SYTL5: variants seen among roughly 807,000 people sequenced by gnomAD.
SYTL5 encodes the protein synaptotagmin like 5.
SYTL5 carries 34 observed loss-of-function variants against 55.9 expected under a neutral mutation model. That is an observed-to-expected ratio of 0.61 (90% CI 0.46 to 0.81). The LOEUF (loss-of-function observed/expected upper bound fraction) is 0.81. Among genes scored for constraint, SYTL5 ranks in the 30% least tolerant of loss-of-function variants. The probability of loss-of-function intolerance (pLI) is 0.00; values close to 1 mark genes in which losing one functional copy is unlikely to be tolerated. For synonymous variants in SYTL5, 221 were observed against 188.7 expected, an observed-to-expected ratio of 1.17 and a Z score of -1.40; for missense variants, 637 against 546.7, an observed-to-expected ratio of 1.17 and a Z score of -1.65.
chrX:38,077,179 A>G (rs1246718512), intron 6 of SYTL5, among the ~76,000 whole-genome samples: 2 of 111,651 alleles, frequency 1.8e-5, no homozygotes, highest in East Asian at 5.6e-4. Flanking sequence ...CAGTGGAGCC[A>G]ATTGAGAATG....
intron 6 of SYTL5, among the ~76,000 whole-genome samples, chrX:38,080,085 C>T (rs1936491188): frequency 9.0e-6 from 1 of 111,142 alleles, no homozygotes; most frequent in African/African-American, 3.3e-5. Flanking sequence ...AACTCCAGGG[C>T]ATTTCTAGGC....
At chrX:38,106,837 CT>C (rs1215609901) in intron 11 of SYTL5, 66 bp downstream of exon 11, 1 of 950,922 alleles carries the variant, frequency 1.1e-6, no homozygotes, top group Non-Finnish European at 1.4e-6. Flanking sequence ...TGTGTGTTTC[CT>C]TTTCAAAAGA....
intron 7 of SYTL5, among the ~76,000 whole-genome samples, chrX:38,090,860 GA>G (rs2147513720): frequency 8.9e-6 from 1 of 112,438 alleles, no homozygotes; most frequent in East Asian, 2.8e-4. Context: ...GCCTCTAGAA[GA>G]ACAGCCAGTG....
chrX:37,926,497 C>G, the SYTL5 span, among the ~76,000 whole-genome samples: 111 of 110,424 alleles, frequency 1.0e-3, no homozygotes, highest in African/African-American at 3.4e-3. Context: ...AGTCAGTGTG[C>G]TCAATAAATA....
the SYTL5 span, among the ~76,000 whole-genome samples, chrX:37,891,722 G>T: frequency 6.3e-5 from 7 of 111,667 alleles, no homozygotes; most frequent in Non-Finnish European, 1.1e-4. Context: ...TTTCATATGA[G>T]TGTTTGTGTT....
chrX:38,054,146 T>C (rs1935703398), intron 2 of SYTL5, 67 bp from the exon 3 acceptor site: 1 of 811,191 alleles, frequency 1.2e-6, no homozygotes, highest in South Asian at 2.4e-5. Flanking sequence ...GACATTGTTT[T>C]AGACATTGTA....
chrX:38,099,271 G>T (rs1026695835), intron 9 of SYTL5, among the ~76,000 whole-genome samples: 3 of 110,924 alleles, frequency 2.7e-5, no homozygotes, highest in African/African-American at 9.8e-5. Context: ...TTTCTATTTT[G>T]TGAATGTTTG....
At chrX:38,000,403 GA>G in the SYTL5 span, among the ~76,000 whole-genome samples, 1 of 112,134 alleles carries the variant, frequency 8.9e-6, no homozygotes, top group East Asian at 2.8e-4. Flanking sequence ...ATAGAAATGG[GA>G]AAAGTTCCCT....
the SYTL5 span, among the ~76,000 whole-genome samples, chrX:37,898,604 C>T: frequency 1.8e-5 from 2 of 112,096 alleles, no homozygotes; most frequent in Non-Finnish European, 3.8e-5. Flanking sequence ...CTCTCTAGTT[C>T]TTTAATATAG....
At chrX:38,086,519 A>G (rs1376053599) in intron 6 of SYTL5, among the ~76,000 whole-genome samples, 1 of 112,359 alleles carries the variant, frequency 8.9e-6, no homozygotes, top group African/African-American at 3.2e-5. Flanking sequence ...TTACAGTGAG[A>G]TAAATGTATC....
the SYTL5 span, among the ~76,000 whole-genome samples, chrX:37,895,825 AGAAAATAGACT>A: frequency 2.7e-5 from 3 of 111,993 alleles, no homozygotes; most frequent in African/African-American, 9.7e-5. Context: ...TAAGCACATT[AGAAAATAGACT>A]GATTCAGCTT....
At chrX:38,116,254 A>G (rs73632462) in intron 13 of SYTL5, among the ~76,000 whole-genome samples, 2 of 112,022 alleles carry the variant, frequency 1.8e-5, no homozygotes, top group African/African-American at 6.5e-5. Flanking sequence ...CCATAAATTT[A>G]TTTCTGGACT....
chrX:38,071,490 G>C (rs73467410), intron 3 of SYTL5, among the ~76,000 whole-genome samples: 6,465 of 111,737 alleles, frequency 0.058, 180 homozygotes, highest in Middle Eastern at 0.12. Flanking sequence ...TGGCCAACCT[G>C]TCTCTTTATC....
chrX:38,089,820 C>T (rs1936753999), intron 7 of SYTL5, among the ~76,000 whole-genome samples: 1 of 111,736 alleles, frequency 8.9e-6, no homozygotes, highest in Non-Finnish European at 1.9e-5. Flanking sequence ...GGGGAAGCCT[C>T]CCCCATGACT....
At chrX:38,111,317 C>T (rs1292411771) in intron 13 of SYTL5, among the ~76,000 whole-genome samples, 1 of 111,566 alleles carries the variant, frequency 9.0e-6, no homozygotes, top group African/African-American at 3.3e-5. Context: ...ATAATATAAT[C>T]GTGGGATGTA....
At chrX:38,007,777 GTA>G (rs1934040406) in intron 1 of SYTL5, among the ~76,000 whole-genome samples, 1 of 111,193 alleles carries the variant, frequency 9.0e-6, no homozygotes, top group African/African-American at 3.3e-5. Context: ...GCATCCCTCA[GTA>G]TATATATGTA....
At chrX:38,080,193 G>A (rs1245601905) in intron 6 of SYTL5, among the ~76,000 whole-genome samples, 1 of 111,093 alleles carries the variant, frequency 9.0e-6, no homozygotes, top group African/African-American at 3.3e-5. Context: ...TGCACAGCTG[G>A]TAAAAGGAAT....
chrX:37,912,738 G>T, the SYTL5 span, among the ~76,000 whole-genome samples: 2 of 111,879 alleles, frequency 1.8e-5, no homozygotes. Context: ...ACTTTGTGAG[G>T]TAGTCATGTT....
chrX:38,060,488 TA>T (rs1408120919), intron 3 of SYTL5, among the ~76,000 whole-genome samples: 1 of 112,080 alleles, frequency 8.9e-6, no homozygotes, highest in Non-Finnish European at 1.9e-5. Context: ...GATGTAGTTC[TA>T]GTGCCTAAAA....
Sources: allele counts gnomAD v4.1 joint callset (sites outside exome capture counted in the v4.1 genomes callset), GRCh38; gene constraint gnomAD v4.1.1; transcripts MANE v1.5; gene names NCBI Gene and HGNC (gene_info 2026-07-23, HGNC 2026-07-21).